Variants in C12orf42 observed in about 807,000 individuals in gnomAD.
C12orf42 encodes uncharacterized protein C12orf42.
In C12orf42, 25 loss-of-function variants were observed where a neutral mutation model predicts 21.6. That is an observed-to-expected ratio of 1.16 (90% CI 0.84 to 1.62). The LOEUF is 1.62. Ranked by LOEUF, C12orf42 falls within the 40% of genes most tolerant of loss-of-function variation. The pLI is 0.00. For synonymous variants in C12orf42, 174 were observed against 175.0 expected (o/e 0.99, Z 0.05); for missense variants, 483 against 459.3 (o/e 1.05, Z -0.47).
chr12:103,277,080 G>A, intron 5 of C12orf42: 1 of 453,746 alleles, frequency 2.2e-6, no homozygotes, highest in South Asian at 1.6e-5. Flanking sequence ...AGTTTGGGAA[G>A]ATTGCTGGAT....
chr12:103,100,023 T>G, the C12orf42 span, among the ~76,000 whole-genome samples: 1,572 of 152,342 alleles, frequency 0.01, 7 homozygotes, highest in South Asian at 0.019. Context: ...CACCTGCAAT[T>G]TTTTTGTTTT....
At chr12:103,260,031 C>G (rs1302264136) in intron 10 of C12orf42, among the ~76,000 whole-genome samples, 1 of 152,104 alleles carries the variant, frequency 6.6e-6, no homozygotes, top group Non-Finnish European at 1.5e-5. Context: ...CACAATGTCT[C>G]TCTATAAAAT....
chr12:103,074,808 G>C, the C12orf42 span, among the ~76,000 whole-genome samples: 1 of 152,118 alleles, frequency 6.6e-6, no homozygotes, highest in Non-Finnish European at 1.5e-5. Flanking sequence ...CATTCACTCG[G>C]GACATAATGG....
the C12orf42 span, among the ~76,000 whole-genome samples, chr12:103,065,347 G>A: frequency 1.3e-5 from 2 of 152,192 alleles, no homozygotes; most frequent in Non-Finnish European, 2.9e-5. Context: ...CTGGTACCTG[G>A]TATGCAGCCA....
the C12orf42 span, chr12:103,163,067 T>A: frequency 6.6e-6 from 1 of 152,226 alleles, no homozygotes; most frequent in African/African-American, 2.4e-5. Flanking sequence ...GTAGCACCAT[T>A]TAACATCAAT....
chr12:103,285,433 A>C (rs2036383055), intron 4 of C12orf42, among the ~76,000 whole-genome samples: 1 of 152,220 alleles, frequency 6.6e-6, no homozygotes, highest in Admixed American at 6.5e-5. Context: ...GCCTCTAAGG[A>C]CTGGAATATA....
chr12:103,288,521 A>G (rs1032023973), intron 4 of C12orf42, among the ~76,000 whole-genome samples: 39 of 152,188 alleles, frequency 2.6e-4, no homozygotes, highest in Admixed American at 6.5e-5. Context: ...AAGCACTTTT[A>G]CCTGTCACTT....
chr12:103,252,524 T>C (rs2034360425), intron 10 of C12orf42, among the ~76,000 whole-genome samples: 1 of 152,216 alleles, frequency 6.6e-6, no homozygotes, highest in Non-Finnish European at 1.5e-5. Context: ...CAGTTTTGAT[T>C]TGCATGTTGC....
the C12orf42 span, among the ~76,000 whole-genome samples, chr12:103,218,666 G>A: frequency 1.3e-5 from 2 of 152,120 alleles, no homozygotes; most frequent in Non-Finnish European, 2.9e-5. Context: ...GTGACAAGTG[G>A]CTCAGGATTT....
At chr12:103,345,795 T>A (rs7298313) in intron 4 of C12orf42, among the ~76,000 whole-genome samples, 1,606 of 152,250 alleles carry the variant, frequency 0.011, 25 homozygotes, top group African/African-American at 0.037. Context: ...GAAAAGAATA[T>A]GTATACAGGT....
chr12:103,088,021 T>A, the C12orf42 span, among the ~76,000 whole-genome samples: 1 of 152,368 alleles, frequency 6.6e-6, no homozygotes, highest in East Asian at 1.9e-4. Flanking sequence ...CTGCACTGAT[T>A]AGGTGATATA....
At chr12:103,520,661 T>C in the C12orf42 span, among the ~76,000 whole-genome samples, 1 of 152,136 alleles carries the variant, frequency 6.6e-6, no homozygotes, top group Non-Finnish European at 1.5e-5. Flanking sequence ...TCCAGCCCAG[T>C]TGACAGTCAG....
chr12:103,462,194 G>T (rs566122787), intron 2 of C12orf42, among the ~76,000 whole-genome samples: 1 of 132,614 alleles, frequency 7.5e-6, no homozygotes, highest in Non-Finnish European at 1.5e-5. Flanking sequence ...TGCAACCTCC[G>T]CCTCCCAGGT....
At chr12:103,277,769 G>A (rs1001154065) in intron 4 of C12orf42, among the ~76,000 whole-genome samples, 35 of 151,970 alleles carry the variant, frequency 2.3e-4, no homozygotes, top group Middle Eastern at 3.4e-3. Flanking sequence ...ACAGGCACCC[G>A]CCAAAACGCC....
the C12orf42 span, among the ~76,000 whole-genome samples, chr12:103,154,224 C>T: frequency 1.3e-5 from 2 of 152,050 alleles, no homozygotes; most frequent in Non-Finnish European, 2.9e-5. Context: ...TTCTGGTATG[C>T]TGGTGAATGC....
At chr12:103,161,209 T>C in the C12orf42 span, among the ~76,000 whole-genome samples, 1 of 152,322 alleles carries the variant, frequency 6.6e-6, no homozygotes, top group African/African-American at 2.4e-5. Context: ...AAATCTTCAC[T>C]GCTTAATCCT....
the C12orf42 span, among the ~76,000 whole-genome samples, chr12:103,224,165 A>G: frequency 6.6e-6 from 1 of 151,918 alleles, no homozygotes; most frequent in Admixed American, 6.5e-5. Flanking sequence ...TATTTTAGTT[A>G]TCTGACTCAG....
chr12:103,247,496 T>C (rs1189340709), intron 10 of C12orf42, among the ~76,000 whole-genome samples: 1 of 152,090 alleles, frequency 6.6e-6, no homozygotes, highest in Non-Finnish European at 1.5e-5. Context: ...CATCATTCTA[T>C]TTAGGGATAA....
the C12orf42 span, chr12:103,550,456 T>G: frequency 2.0e-5 from 3 of 152,168 alleles, no homozygotes; most frequent in Non-Finnish European, 2.9e-5. Context: ...TCTTTTTTGC[T>G]ATTAGGAATA....
Sources: allele counts gnomAD v4.1 joint callset (sites outside exome capture counted in the v4.1 genomes callset), GRCh38; gene constraint gnomAD v4.1.1; transcripts MANE v1.5; gene names NCBI Gene and HGNC (gene_info 2026-07-23, HGNC 2026-07-21).